LINGO2: variants seen among roughly 807,000 people sequenced by gnomAD.
LINGO2 encodes leucine rich repeat and Ig domain containing 2.
LINGO2 carries 14 observed loss-of-function variants against 30.6 expected under a neutral mutation model. The ratio of observed to expected loss-of-function variants is 0.46; its 90% CI spans 0.30 to 0.72. The LOEUF is 0.72. Ranked by LOEUF, LINGO2 falls within the 30% of genes least tolerant of loss-of-function variation. The pLI is 0.07. For synonymous variants in LINGO2, 317 were observed against 288.5 expected, an observed-to-expected ratio of 1.10 and a Z score of -1.00; for missense variants, 729 against 751.7, an observed-to-expected ratio of 0.97 and a Z score of 0.35.
At chr9:28,729,081 A>G in the LINGO2 span, among the ~76,000 whole-genome samples, 217 of 152,280 alleles carry the variant, frequency 1.4e-3, 1 homozygote, top group African/African-American at 4.5e-3. Flanking sequence ...GGAATTAAGT[A>G]TCTCTTTGAA....
the LINGO2 span, among the ~76,000 whole-genome samples, chr9:28,990,863 C>A: frequency 6.6e-6 from 1 of 152,074 alleles, no homozygotes; most frequent in Non-Finnish European, 1.5e-5. Flanking sequence ...TGTACATCAC[C>A]ATCATCACCA....
intron 1 of LINGO2, among the ~76,000 whole-genome samples, chr9:28,588,954 T>G (rs769932555): frequency 2.8e-4 from 43 of 152,118 alleles, no homozygotes; most frequent in Middle Eastern, 3.4e-3. Flanking sequence ...AAGAGGCAGT[T>G]TGGGCTGCCA....
At chr9:28,679,405 T>C in the LINGO2 span, among the ~76,000 whole-genome samples, 1 of 152,142 alleles carries the variant, frequency 6.6e-6, no homozygotes, top group Non-Finnish European at 1.5e-5. Context: ...CATCTTATGA[T>C]GCATAATCAA....
intron 4 of LINGO2, among the ~76,000 whole-genome samples, chr9:28,288,171 T>C (rs1216879924): frequency 1.3e-5 from 2 of 152,188 alleles, no homozygotes; most frequent in Non-Finnish European, 2.9e-5. Flanking sequence ...AACACCACCA[T>C]AGCTGTGTAT....
chr9:28,807,024 T>C, the LINGO2 span, among the ~76,000 whole-genome samples: 2 of 150,858 alleles, frequency 1.3e-5, no homozygotes, highest in African/African-American at 4.9e-5. Flanking sequence ...ATAATTATCA[T>C]TATTATTATT....
the LINGO2 span, among the ~76,000 whole-genome samples, chr9:29,023,749 G>A: frequency 1.9e-3 from 285 of 152,068 alleles, 2 homozygotes; most frequent in Non-Finnish European, 4.1e-4. Context: ...ATTAACCTGA[G>A]AATTAAGTAT....
At chr9:28,508,145 A>G (rs1361402875) in intron 1 of LINGO2, among the ~76,000 whole-genome samples, 1 of 152,110 alleles carries the variant, frequency 6.6e-6, no homozygotes, top group African/African-American at 2.4e-5. Flanking sequence ...AACAGTATTT[A>G]CATGAAATTA....
chr9:28,896,806 A>C, the LINGO2 span, among the ~76,000 whole-genome samples: 2 of 152,204 alleles, frequency 1.3e-5, no homozygotes, highest in African/African-American at 4.8e-5. Flanking sequence ...GGATTTAAGC[A>C]ATGCCATTAT....
At chr9:28,457,098 A>C (rs1289286808) in intron 2 of LINGO2, among the ~76,000 whole-genome samples, 1 of 152,078 alleles carries the variant, frequency 6.6e-6, no homozygotes, top group Admixed American at 6.6e-5. Flanking sequence ...CTAATTCCAG[A>C]AGCAAGACAG....
At chr9:28,674,379 T>A (rs578132375), upstream of LINGO2, among the ~76,000 whole-genome samples, 1 of 152,280 alleles carries the variant, frequency 6.6e-6, no homozygotes, top group Non-Finnish European at 1.5e-5. Context: ...GGAAACGATC[T>A]CCCTAGAACT....
At chr9:28,388,704 T>G (rs965517896) in intron 2 of LINGO2, among the ~76,000 whole-genome samples, 1 of 152,198 alleles carries the variant, frequency 6.6e-6, no homozygotes, top group Admixed American at 6.5e-5. Flanking sequence ...TGGTATTTCC[T>G]TGTGTATTTT....
chr9:28,518,997 A>G (rs1820731385), intron 1 of LINGO2, among the ~76,000 whole-genome samples: 1 of 152,064 alleles, frequency 6.6e-6, no homozygotes, highest in Non-Finnish European at 1.5e-5. Flanking sequence ...ACTATTTCAC[A>G]GTATTTTTTA....
chr9:28,632,598 T>C (rs1197262170), intron 1 of LINGO2, among the ~76,000 whole-genome samples: 9 of 145,174 alleles, frequency 6.2e-5, no homozygotes, highest in Admixed American at 1.4e-4. Context: ...TATGTAAATA[T>C]GTAGATAAAT....
chr9:28,705,762 G>T, the LINGO2 span, among the ~76,000 whole-genome samples: 1 of 152,132 alleles, frequency 6.6e-6, no homozygotes, highest in Admixed American at 6.6e-5. Context: ...GCCTACAGCA[G>T]TTTGTCAATT....
At chr9:29,144,709 A>G in the LINGO2 span, among the ~76,000 whole-genome samples, 1 of 152,128 alleles carries the variant, frequency 6.6e-6, no homozygotes, top group Non-Finnish European at 1.5e-5. Flanking sequence ...AGCACAGCTG[A>G]CTGTCTGAGC....
At chr9:28,222,597 G>T (rs755646152) in intron 4 of LINGO2, among the ~76,000 whole-genome samples, 2 of 151,866 alleles carry the variant, frequency 1.3e-5, no homozygotes, top group Non-Finnish European at 2.9e-5. Context: ...TAAAAATTAG[G>T]CATTTGTTTC....
chr9:29,048,934 G>A, the LINGO2 span, among the ~76,000 whole-genome samples: 5 of 152,124 alleles, frequency 3.3e-5, no homozygotes, highest in Non-Finnish European at 7.4e-5. Flanking sequence ...TACCCTGTAA[G>A]CACGGGCAAC....
At chr9:28,837,979 C>T in the LINGO2 span, among the ~76,000 whole-genome samples, 2 of 151,940 alleles carry the variant, frequency 1.3e-5, no homozygotes, top group African/African-American at 2.4e-5. Flanking sequence ...TTCTATAAAA[C>T]TATTCCCTTC....
At chr9:28,176,873 T>C (rs1828764911) in intron 4 of LINGO2, among the ~76,000 whole-genome samples, 1 of 152,172 alleles carries the variant, frequency 6.6e-6, no homozygotes, top group Non-Finnish European at 1.5e-5. Flanking sequence ...TACTCAATCA[T>C]TTAAAACTCA....
Sources: gnomAD v4.1 joint callset for allele counts (sites outside exome capture counted in the v4.1 genomes callset) on GRCh38, gnomAD v4.1.1 for gene constraint, MANE v1.5 for transcripts, NCBI Gene and HGNC (gene_info 2026-07-23, HGNC 2026-07-21) for gene names.